CTNNA3: variants seen among roughly 807,000 people sequenced by gnomAD.
CTNNA3 encodes catenin alpha 3.
In CTNNA3, 76 loss-of-function variants were observed where a neutral mutation model predicts 95.7. That is an observed-to-expected ratio of 0.79 (90% confidence interval 0.66 to 0.96). The LOEUF is 0.96. CTNNA3 is among the 40% of genes least tolerant of loss of function. The pLI is 0.00. For synonymous variants in CTNNA3, 431 were observed against 374.4 expected (o/e 1.15, Z -1.74); for missense variants, 1,191 against 1,089.8 (o/e 1.09, Z -1.31).
intron 15 of CTNNA3, among the ~76,000 whole-genome samples, chr10:66,057,172 G>A (rs1030583331): frequency 1.3e-5 from 2 of 152,110 alleles, no homozygotes; most frequent in Non-Finnish European, 2.9e-5. Context: ...AGCAAGTGAT[G>A]GTAGCTGATT....
At chr10:67,701,651 G>A (rs1841040521) in intron 1 of CTNNA3, among the ~76,000 whole-genome samples, 1 of 152,210 alleles carries the variant, frequency 6.6e-6, no homozygotes, top group Non-Finnish European at 1.5e-5. Context: ...GGAAAAACCG[G>A]TACCAGCTGC....
rs545117905 is a variant in CTNNA3, at chr10:66,113,205, T to C, written c.1885-9956A>G. 2.8e-4 allele frequency among the ~76,000 whole-genome samples: 43 copies of C among 152,076 alleles called. No homozygotes were observed. The South Asian group carries it at 7.7e-3, about 27-fold the overall frequency. On this transcript the variant is annotated intron_variant, in intron 13 of 17. Coordinates refer to ENST00000433211, the MANE Select transcript of CTNNA3 (RefSeq NM_013266.4). ...ATATCTCATTGTATTTTTTTTTTCA[T>C]GTCCATGATGATTAGTGGTACTCTG... is the stretch of plus-strand genomic sequence containing the variant.
chr10:67,052,415 C>T (rs1297211375), intron 7 of CTNNA3, among the ~76,000 whole-genome samples: 1 of 151,434 alleles, frequency 6.6e-6, no homozygotes, highest in Non-Finnish European at 1.5e-5. Context: ...CTAGGCTGTC[C>T]CTTCTTAGGC....
intron 1 of CTNNA3, among the ~76,000 whole-genome samples, chr10:67,736,023 C>T (rs973805802): frequency 6.6e-6 from 1 of 152,036 alleles, no homozygotes; most frequent in Admixed American, 6.6e-5. Context: ...TTACAACAGC[C>T]AAAAGCTAAA....
At chr10:66,775,890 G>A (rs1840276360) in intron 7 of CTNNA3, among the ~76,000 whole-genome samples, 1 of 152,158 alleles carries the variant, frequency 6.6e-6, no homozygotes. Context: ...CAACTTCTGT[G>A]GGAGTTTCTA....
intron 7 of CTNNA3, among the ~76,000 whole-genome samples, chr10:66,840,651 T>C (rs1040568396): frequency 2.6e-5 from 4 of 152,162 alleles, no homozygotes; most frequent in Non-Finnish European, 5.9e-5. Flanking sequence ...AATACATGAA[T>C]TCGAAATTCT....
chr10:67,598,951 A>T (rs1239270807), intron 3 of CTNNA3, among the ~76,000 whole-genome samples: 1 of 152,178 alleles, frequency 6.6e-6, no homozygotes, highest in African/African-American at 2.4e-5. Flanking sequence ...CTCATAAGGA[A>T]AAAAAATAAA....
At chr10:67,029,376 G>A (rs1230405836) in intron 7 of CTNNA3, among the ~76,000 whole-genome samples, 2 of 152,164 alleles carry the variant, frequency 1.3e-5, no homozygotes, top group Non-Finnish European at 2.9e-5. Flanking sequence ...TTCAGAGCAG[G>A]TTGATTGATA....
At chr10:65,938,506 G>T (rs1391427286) in intron 17 of CTNNA3, among the ~76,000 whole-genome samples, 2 of 152,094 alleles carry the variant, frequency 1.3e-5, no homozygotes, top group South Asian at 4.1e-4. Flanking sequence ...GACTTTAAGG[G>T]GTTGGAAGAG....
intron 11 of CTNNA3, among the ~76,000 whole-genome samples, chr10:66,426,325 TA>T (rs1371271704): frequency 1.3e-5 from 2 of 152,090 alleles, no homozygotes; most frequent in African/African-American, 4.8e-5. Flanking sequence ...AACTTGTTTT[TA>T]AAAAATAAAA....
chr10:67,095,273 G>A (rs1589731177), intron 7 of CTNNA3, among the ~76,000 whole-genome samples: 2 of 151,480 alleles, frequency 1.3e-5, no homozygotes, highest in African/African-American at 4.8e-5. Context: ...CAATTACATG[G>A]AAATGATATA....
intron 7 of CTNNA3, among the ~76,000 whole-genome samples, chr10:66,812,332 G>T (rs983101006): frequency 4.6e-5 from 7 of 152,038 alleles, no homozygotes; most frequent in African/African-American, 1.7e-4. Context: ...ACTTTTGATT[G>T]CTAAATAGTG....
At chr10:65,978,733 A>G (rs1383415418) in intron 16 of CTNNA3, among the ~76,000 whole-genome samples, 2 of 152,140 alleles carry the variant, frequency 1.3e-5, no homozygotes, top group Non-Finnish European at 2.9e-5. Context: ...CTTTGTATTA[A>G]CTATCTCAAT....
At chr10:66,638,411 T>C (rs1845407139) in intron 9 of CTNNA3, among the ~76,000 whole-genome samples, 1 of 152,180 alleles carries the variant, frequency 6.6e-6, no homozygotes, top group East Asian at 1.9e-4. Flanking sequence ...TTTAATTGAA[T>C]ATAATATCCT....
intron 1 of CTNNA3, among the ~76,000 whole-genome samples, chr10:67,720,326 C>T (rs1841172757): frequency 6.6e-6 from 1 of 150,504 alleles, no homozygotes; most frequent in South Asian, 2.1e-4. Context: ...GTCCAATTGC[C>T]AGTTAATTGA....
At chr10:67,579,616 G>A (rs58845774) in intron 3 of CTNNA3, among the ~76,000 whole-genome samples, 1,949 of 150,724 alleles carry the variant, frequency 0.013, 47 homozygotes, top group African/African-American at 0.045. Context: ...CTAGATCCTT[G>A]AGGAATCGCC....
intron 11 of CTNNA3, among the ~76,000 whole-genome samples, chr10:66,422,092 G>A (rs1564947157): frequency 6.6e-6 from 1 of 151,670 alleles, no homozygotes; most frequent in African/African-American, 2.4e-5. Context: ...ACCATTCAAT[G>A]TTGATATTTC....
chr10:67,679,996 A>G (rs1182491258), intron 1 of CTNNA3, among the ~76,000 whole-genome samples: 1 of 152,248 alleles, frequency 6.6e-6, no homozygotes. Flanking sequence ...ATAAATTGTC[A>G]TATATTCTTT....
At chr10:66,665,936 T>C (rs919149333) in intron 9 of CTNNA3, among the ~76,000 whole-genome samples, 3 of 152,176 alleles carry the variant, frequency 2.0e-5, no homozygotes, top group Non-Finnish European at 2.9e-5. Flanking sequence ...ACTTTGTGAA[T>C]TGCTTGAGCT....
Sources: allele counts gnomAD v4.1 joint callset (sites outside exome capture counted in the v4.1 genomes callset), GRCh38; gene constraint gnomAD v4.1.1; transcripts MANE v1.5; gene names NCBI Gene and HGNC (gene_info 2026-07-23, HGNC 2026-07-21).